ZRANB3: variants seen among roughly 807,000 people sequenced by gnomAD.
ZRANB3 encodes the protein zinc finger RANBP2-type containing 3.
ZRANB3 carries 125 observed loss-of-function variants against 133.8 expected under a neutral mutation model. That is an observed-to-expected ratio of 0.93 (90% CI 0.81 to 1.08). The LOEUF is 1.08. Ranked by LOEUF, ZRANB3 falls within the 50% of genes least tolerant of loss-of-function variation. The pLI is 0.00. For missense variants in ZRANB3, 1,229 were observed against 1,275.5 expected, an observed-to-expected ratio of 0.96 and a Z score of 0.56; for synonymous variants, 387 against 432.7, an observed-to-expected ratio of 0.89 and a Z score of 1.31.
chr2:135,392,208 G>A (rs1687267719), intron 2 of ZRANB3, among the ~76,000 whole-genome samples: 2 of 152,132 alleles, frequency 1.3e-5, no homozygotes, highest in South Asian at 4.2e-4. Flanking sequence ...CAGTGGCTCA[G>A]GAGGGTGAGG....
chr2:135,231,373 A>T (rs1181160010), intron 12 of ZRANB3, among the ~76,000 whole-genome samples: 2 of 152,336 alleles, frequency 1.3e-5, no homozygotes, highest in East Asian at 3.9e-4. Flanking sequence ...TTTCAGGTCA[A>T]TCAAGGACCT....
chr2:135,470,229 G>A (rs1691195080), intron 2 of ZRANB3, among the ~76,000 whole-genome samples: 1 of 151,364 alleles, frequency 6.6e-6, no homozygotes, highest in African/African-American at 2.4e-5. Context: ...GAAGGCTGTG[G>A]CAGGAGAATC....
chr2:135,326,835 G>A (rs900431297), intron 6 of ZRANB3, among the ~76,000 whole-genome samples: 8 of 149,706 alleles, frequency 5.3e-5, no homozygotes, highest in Non-Finnish European at 1.2e-4. Flanking sequence ...GGGAGGCAGA[G>A]GGTGCAGTGA....
At chr2:135,405,082 G>A (rs564869396) in intron 2 of ZRANB3, among the ~76,000 whole-genome samples, 18 of 152,182 alleles carry the variant, frequency 1.2e-4, no homozygotes, top group African/African-American at 2.2e-4. Flanking sequence ...CCCATCTTAC[G>A]TGCAGAGACA....
At chr2:135,474,097 G>A (rs548278634) in intron 2 of ZRANB3, among the ~76,000 whole-genome samples, 2 of 152,048 alleles carry the variant, frequency 1.3e-5, no homozygotes, top group South Asian at 2.1e-4. Flanking sequence ...AGGCTGAGGC[G>A]GGAGGATCAC....
intron 6 of ZRANB3, among the ~76,000 whole-genome samples, chr2:135,324,218 C>T (rs942491924): frequency 4.0e-5 from 6 of 151,612 alleles, no homozygotes; most frequent in South Asian, 2.1e-4. Flanking sequence ...TCTCCTAATG[C>T]TATCCCTCCC....
intron 8 of ZRANB3, among the ~76,000 whole-genome samples, chr2:135,280,699 C>T (rs1023370402): frequency 2.6e-5 from 4 of 151,758 alleles, no homozygotes; most frequent in Admixed American, 6.6e-5. Flanking sequence ...GCACTAAAGA[C>T]CTGTTAAAAG....
At chr2:135,466,917 C>T (rs1691025216) in intron 2 of ZRANB3, among the ~76,000 whole-genome samples, 1 of 152,064 alleles carries the variant, frequency 6.6e-6, no homozygotes, top group Non-Finnish European at 1.5e-5. Flanking sequence ...CAATGGCCTC[C>T]CATAGTGCTG....
intron 2 of ZRANB3, among the ~76,000 whole-genome samples, chr2:135,484,296 G>C (rs560077240): frequency 4.5e-4 from 68 of 152,090 alleles, no homozygotes; most frequent in Non-Finnish European, 8.8e-4. Flanking sequence ...ATGAACTAAT[G>C]AAAAAGGTAA....
intron 8 of ZRANB3, among the ~76,000 whole-genome samples, chr2:135,284,616 C>T (rs1310936313): frequency 3.3e-5 from 5 of 152,092 alleles, no homozygotes; most frequent in East Asian, 1.9e-4. Context: ...GGACTACAGG[C>T]GCCTGTCACC....
At chr2:135,314,976 T>TGACCTCAGGTGATCTGCC in intron 7 of ZRANB3, among the ~76,000 whole-genome samples, 1 of 152,134 alleles carries the variant, frequency 6.6e-6, no homozygotes, top group South Asian at 2.1e-4. Flanking sequence ...CTCAAACTCC[T>TGACCTCAGGTGATCTGCC]GACCTCAGGT....
At chr2:135,478,091 A>G (rs1467913678) in intron 2 of ZRANB3, among the ~76,000 whole-genome samples, 6 of 152,154 alleles carry the variant, frequency 3.9e-5, no homozygotes, top group Non-Finnish European at 8.8e-5. Flanking sequence ...TTTATTGCTT[A>G]TTAGAATTTT....
chr2:135,213,417 A>G (rs549835168), intron 17 of ZRANB3, among the ~76,000 whole-genome samples: 1 of 152,284 alleles, frequency 6.6e-6, no homozygotes, highest in African/African-American at 2.4e-5. Flanking sequence ...GCTTTCAGAG[A>G]TACATGGTTA....
intron 12 of ZRANB3, among the ~76,000 whole-genome samples, chr2:135,255,257 A>AACAC (rs761481222): frequency 2.0e-5 from 3 of 150,476 alleles, no homozygotes; most frequent in East Asian, 3.9e-4. Context: ...AAAACAAAAC[A>AACAC]ACACACACAC....
intron 2 of ZRANB3, among the ~76,000 whole-genome samples, chr2:135,404,381 C>G (rs1029778432): frequency 1.3e-5 from 2 of 151,964 alleles, no homozygotes; most frequent in Non-Finnish European, 2.9e-5. Context: ...TGAAATGAAG[C>G]GAGAAGAGAA....
intron 5 of ZRANB3, among the ~76,000 whole-genome samples, chr2:135,348,115 C>T (rs189488613): frequency 5.9e-5 from 9 of 151,920 alleles, no homozygotes; most frequent in East Asian, 1.9e-4. Flanking sequence ...AAAAATGTGC[C>T]GGGTGTGGTG....
At chr2:135,444,768 C>T (rs564965569) in intron 2 of ZRANB3, among the ~76,000 whole-genome samples, 7 of 152,206 alleles carry the variant, frequency 4.6e-5, no homozygotes, top group South Asian at 2.1e-4. Flanking sequence ...TAGTTTATAA[C>T]ACAAATTATA....
intron 2 of ZRANB3, among the ~76,000 whole-genome samples, chr2:135,455,092 A>G (rs1255858756): frequency 1.3e-5 from 2 of 151,708 alleles, no homozygotes; most frequent in African/African-American, 4.8e-5. Flanking sequence ...CACAAATGAA[A>G]ACTATCTTTA....
In ZRANB3 at chr2:135,265,628, C is replaced by T. The variant is rs1213710507; in HGVS notation, c.1445G>A (p.Gly482Asp). ...GRKEKIQAEE[G>D]DKEKWDFLQF... ...CAGGAAATCCCATTTTTCCTTATCACCTTCCTCAGCCTGAATTTTTTCTTT... is the reference window on the plus strand; with the variant it reads ...CAGGAAATCCCATTTTTCCTTATCATCTTCCTCAGCCTGAATTTTTTCTTT... Residue 482 changes from glycine to aspartate, a missense_variant, in exon 12 of 21, where the codon GGT (glycine) becomes GAT (aspartate). Coordinates refer to ENST00000264159, the MANE Select transcript of ZRANB3 (RefSeq NM_032143.4). 1 of 1,613,668 alleles carries T rather than the reference C, an allele frequency of 6.2e-7. No individual in the cohort carries two copies. Among genetic ancestry groups the T allele is most frequent in the Non-Finnish European group, 8.5e-7 (1 of 1,179,764 alleles).
Sources: allele counts gnomAD v4.1 joint callset (sites outside exome capture counted in the v4.1 genomes callset), GRCh38; gene constraint gnomAD v4.1.1; transcripts MANE v1.5; gene names NCBI Gene and HGNC (gene_info 2026-07-23, HGNC 2026-07-21).